The following SPATA21 variants were observed in gnomAD, a reference collection of about 807,000 sequenced individuals.
SPATA21 encodes the protein spermatogenesis associated 21.
Under a neutral mutation model 54.8 loss-of-function variants are expected in SPATA21, and 47 were observed. The ratio of observed to expected loss-of-function variants is 0.86; its 90% confidence interval spans 0.68 to 1.09. SPATA21 has a LOEUF of 1.09. SPATA21 is among the 50% of genes least tolerant of loss of function. SPATA21 has a pLI of 0.00. For missense variants in SPATA21, 599 were observed against 596.4 expected (o/e 1.00, Z -0.05); for synonymous variants, 245 against 235.3 (o/e 1.04, Z -0.38).
chr1:16,419,920 A>G (rs114622865), intron 5 of SPATA21, among the ~76,000 whole-genome samples: 3,608 of 152,248 alleles, frequency 0.024, 137 homozygotes, highest in African/African-American at 0.079. Flanking sequence ...AGCCTGGGCA[A>G]CAGAGACTCT....
rs544099173 is a variant in SPATA21 at position 16,400,135 on chromosome 1, T to C, written c.1174+585A>G. Among the ~76,000 whole-genome samples the C allele has an allele frequency of 4.6e-5, 7 of 152,120 alleles. No individual in the cohort carries two copies. The South Asian group carries it at 1.5e-3, about 32-fold the overall frequency. ...TCCATCTCCCGGGTTCAAGCGATTC[T>C]CCAGCCTCAGCCTCCAGAGTAGCTG... On this transcript the variant is annotated intron_variant, in intron 11 of 12. Coordinates refer to ENST00000335496, the MANE Select transcript of SPATA21 (RefSeq NM_198546.1).
chr1:16,433,912 G>C (rs183601901), intron 1 of SPATA21, among the ~76,000 whole-genome samples: 6 of 152,206 alleles, frequency 3.9e-5, no homozygotes, highest in Admixed American at 3.3e-4. Flanking sequence ...ACGGCTTTTA[G>C]GATATTCACA....
Position 16,400,845 on chromosome 1 carries a change from A to G in SPATA21, c.1049T>C (p.Met350Thr), listed in dbSNP as rs1209579932. 1.2e-6 allele frequency: 2 copies of G among 1,614,180 alleles called. No homozygotes were observed. Among genetic ancestry groups the G allele is most frequent in the Admixed American group, 3.3e-5 (2 of 60,020 alleles). The change falls in exon 11 of 13, where the codon ATG (methionine) becomes ACG (threonine). Residue 350 changes from methionine (M) to threonine (T), a missense_variant. Met to Thr is a moderately conservative substitution (Grantham distance 81, BLOSUM62 -1). Transcript: ENST00000335496. ...CCGCAGCCGGCCTACGGCCGCTTCC[A>G]TCTCCTGGGCCTTGCAGGTGCCTTC... The part of the protein sequence containing the change: ...LKEGTCKAQE[M>T]EAAVGRLRLQ...
chr1:16,403,561 T>C (rs1320716666), intron 10 of SPATA21, among the ~76,000 whole-genome samples, 166 bp downstream of exon 10: 1 of 146,686 alleles, frequency 6.8e-6, no homozygotes, highest in Non-Finnish European at 1.5e-5. Flanking sequence ...CAATCTCAGC[T>C]CACTGCAACC....
intron 5 of SPATA21, among the ~76,000 whole-genome samples, chr1:16,412,091 C>T (rs1362229328): frequency 6.6e-6 from 1 of 152,178 alleles, no homozygotes; most frequent in African/African-American, 2.4e-5. Flanking sequence ...TCACTGGCTG[C>T]TCTGCCCCTG....
Position 16,409,046 on chromosome 1 carries a change from C to T in SPATA21, c.673+72G>A. The T allele has an allele frequency of 6.5e-7, 1 of 1,533,654 alleles. No homozygotes were observed. On this transcript the variant is annotated intron_variant, in intron 7 of 12. Transcript: ENST00000335496. The surrounding 1 kb of genome is among the most constrained non-coding windows in gnomAD (Gnocchi z 4.1). ...TGATCTGGAAAGCACCCCAGTCCGCCCTGCGCCTATAAACCCCCAAGGACC... is the reference window on the plus strand; with the variant it reads ...TGATCTGGAAAGCACCCCAGTCCGCTCTGCGCCTATAAACCCCCAAGGACC...
intron 7 of SPATA21, 58 bp from the exon 8 acceptor site, chr1:16,405,162 C>T: frequency 6.4e-7 from 1 of 1,560,882 alleles, no homozygotes; most frequent in South Asian, 1.2e-5. Flanking sequence ...GTCATTCATC[C>T]CATTACCCCA....
intron 5 of SPATA21, among the ~76,000 whole-genome samples, chr1:16,418,870 C>T (rs2086091891): frequency 6.6e-6 from 1 of 152,188 alleles, no homozygotes; most frequent in South Asian, 2.1e-4. Flanking sequence ...TGACTTCTCA[C>T]TAGTCTGGAG....
At chr1:16,436,091 A>T (rs2086578882) in intron 1 of SPATA21, among the ~76,000 whole-genome samples, 1 of 152,010 alleles carries the variant, frequency 6.6e-6, no homozygotes, top group Non-Finnish European at 1.5e-5. Context: ...TCTCTACTAA[A>T]GATACAAAAA....
rs2085356353 is a variant in SPATA21 at position 16,398,825 on chromosome 1, G to A, written c.1353-3C>T. 1 of 1,612,172 alleles carries A rather than the reference G, an allele frequency of 6.2e-7. No individual in the cohort carries two copies. Among genetic ancestry groups the A allele is most frequent in the South Asian group, 1.1e-5 (1 of 90,968 alleles). On this transcript the variant is annotated splice_region_variant and splice_polypyrimidine_tract_variant and intron_variant, in intron 12 of 12. Transcript: ENST00000335496. ...TTCTGCTGTCAGAGTTGTGTTCCCT[G>A]GGGAGAGGAGTAGGGCAGAAGGGTG...
chr1:16,400,960 T>TATC (rs2085430395), intron 10 of SPATA21, 68 bp from the exon 11 acceptor site: 17 of 1,539,542 alleles, frequency 1.1e-5, no homozygotes, highest in African/African-American at 1.4e-5. Context: ...CCTCAGCCCC[T>TATC]ATCTCTCTGG....
In SPATA21 at chr1:16,409,954, G is replaced by T. The variant is rs748921021; in HGVS notation, c.234C>A (p.Leu78=). The T allele has an allele frequency of 6.2e-7, 1 of 1,613,480 alleles. No homozygotes were observed. The highest frequency in any genetic ancestry group is 1.1e-5 in the South Asian group (1 of 91,018). The stretch of plus-strand genomic sequence containing the variant: ...TCATGAAGCCCTGCCGGAAGTTCCC[G>T]AGGCTCTGTGTCCCTGCAGCCACCG... ...KPAVAAGTQS[L]GNFRQGFMKC... Residue 78 remains leucine (L), a synonymous_variant, in exon 6 of 13, where the codon CTC becomes CTA. Coordinates refer to ENST00000335496, the MANE Select transcript of SPATA21 (RefSeq NM_198546.1). The surrounding 1 kb of genome is among the most constrained non-coding windows in gnomAD (Gnocchi z 4.1).
intron 5 of SPATA21, among the ~76,000 whole-genome samples, chr1:16,420,977 A>C (rs944100853): frequency 2.6e-5 from 4 of 152,098 alleles, no homozygotes; most frequent in African/African-American, 7.2e-5. Context: ...AGGCTGAGTG[A>C]GTTTAGCCAG....
At chr1:16,406,837 A>T (rs528560600) in intron 7 of SPATA21, among the ~76,000 whole-genome samples, 1 of 152,326 alleles carries the variant, frequency 6.6e-6, no homozygotes, top group Admixed American at 6.5e-5. Context: ...GACAGTGAGA[A>T]GACAGCTGTC....
chr1:16,399,786 G>A (rs1277337585), intron 11 of SPATA21, among the ~76,000 whole-genome samples: 1 of 152,214 alleles, frequency 6.6e-6, no homozygotes, highest in African/African-American at 2.4e-5. Flanking sequence ...GCTTAACAAG[G>A]AGCAGAGGAC....
intron 5 of SPATA21, among the ~76,000 whole-genome samples, chr1:16,410,372 A>G (rs968620162): frequency 1.5e-4 from 23 of 151,534 alleles, no homozygotes; most frequent in African/African-American, 5.3e-4. Flanking sequence ...CAGCCTCCAG[A>G]GAAGCTGGGA....
chr1:16,426,589 T>A (rs1319714288), intron 3 of SPATA21, among the ~76,000 whole-genome samples: 3 of 110,422 alleles, frequency 2.7e-5, no homozygotes, highest in Non-Finnish European at 4.0e-5. Context: ...ATTTTTTTTT[T>A]TTTTTTTTGA....
intron 1 of SPATA21, among the ~76,000 whole-genome samples, chr1:16,435,244 C>T (rs1221359593): frequency 6.6e-6 from 1 of 152,034 alleles, no homozygotes; most frequent in Non-Finnish European, 1.5e-5. Context: ...CCCCAATGGC[C>T]GATAATGTTG....
intron 3 of SPATA21, chr1:16,424,955 A>C (rs2086281293): frequency 3.5e-6 from 1 of 289,272 alleles, no homozygotes; most frequent in African/African-American, 2.3e-5. Flanking sequence ...TTTTGCTCTC[A>C]TTGCCCTGGT....
Sources: gnomAD v4.1 joint callset for allele counts (sites outside exome capture counted in the v4.1 genomes callset) on GRCh38, gnomAD v4.1.1 for gene constraint, Gnocchi (gnomAD v3.1) non-coding constraint, MANE v1.5 for transcripts, NCBI Gene and HGNC (gene_info 2026-07-23, HGNC 2026-07-21) for gene names.